RAB18: variants seen among roughly 807,000 people sequenced by gnomAD.
RAB18 encodes the protein RAB18, member RAS oncogene family.
In RAB18, 10 loss-of-function variants were observed where a neutral mutation model predicts 28.5. That is an observed-to-expected ratio of 0.35 (90% confidence interval 0.22 to 0.60). The LOEUF is 0.60. Ranked by LOEUF, RAB18 falls within the 20% of genes least tolerant of loss-of-function variation. The pLI, the probability that RAB18 is intolerant of heterozygous loss-of-function variation, is 0.78. For synonymous variants in RAB18, 93 were observed against 86.9 expected, an observed-to-expected ratio of 1.07 and a Z score of -0.39; for missense variants, 188 against 244.2, an observed-to-expected ratio of 0.77 and a Z score of 1.53.
In RAB18 at chr10:27,541,628, T is replaced by C. The variant is rs994535199; in HGVS notation, c.*3577T>C. The C allele has an allele frequency of 6.8e-6, 3 of 444,394 alleles. No individual in the cohort carries two copies. In the Admixed American group the frequency reaches 7.3e-5, roughly 11 times the overall value. 27.5% of individuals were successfully genotyped at this position (444,394 alleles called of 1,614,324 possible). A position where few individuals can be genotyped will look rare whatever the true frequency, so the allele number is the denominator to read the frequency against. On this transcript the variant is annotated 3_prime_UTR_variant, in exon 7 of 7. Transcript: ENST00000356940. ...CCTTTACCGTTTCTCATGCAGGTTA[T>C]TTCTTGCTTTTTTTTTTTTTCCTCT...
chr10:27,508,247 C>T (rs1157291878), intron 1 of RAB18, among the ~76,000 whole-genome samples: 1 of 152,200 alleles, frequency 6.6e-6, no homozygotes, highest in African/African-American at 2.4e-5. Context: ...TGTTGCTTCA[C>T]ACCATGCCAC....
intron 1 of RAB18, among the ~76,000 whole-genome samples, chr10:27,508,333 C>T (rs1281627083): frequency 1.3e-5 from 2 of 152,200 alleles, no homozygotes; most frequent in East Asian, 3.8e-4. Flanking sequence ...GAGAGAAAAA[C>T]CTCTGGCTTT....
intron 3 of RAB18, among the ~76,000 whole-genome samples, chr10:27,531,838 T>C (rs959239234): frequency 1.5e-4 from 23 of 152,066 alleles, no homozygotes; most frequent in Admixed American, 2.6e-4. Context: ...TTTTCAAGAA[T>C]TGGTCTCAGC....
chr10:27,538,244 T>G lies in RAB18; in HGVS notation c.*193T>G. 2.7e-6 allele frequency: 2 copies of G among 751,242 alleles called. No homozygotes were observed. The highest frequency in any genetic ancestry group is 2.3e-6 in the Non-Finnish European group (1 of 436,090). The allele number at this position is 751,242 out of a possible 1,614,324, so 46.5% of individuals were successfully genotyped here. ...TATGGTAAGCATGCACAGTTTGCAG[T>G]CTACAGTTTTTTTATGTAGCACAAA... On this transcript the variant is annotated 3_prime_UTR_variant, in exon 7 of 7. Transcript: ENST00000356940.
chr10:27,516,018 G>A (rs1414493668), intron 2 of RAB18, among the ~76,000 whole-genome samples: 2 of 152,046 alleles, frequency 1.3e-5, no homozygotes, highest in Non-Finnish European at 2.9e-5. Flanking sequence ...CCTAAGGAAT[G>A]TATCTATTTT....
At chr10:27,527,355 C>G (rs957875221) in intron 3 of RAB18, among the ~76,000 whole-genome samples, 1 of 151,908 alleles carries the variant, frequency 6.6e-6, no homozygotes, top group Non-Finnish European at 1.5e-5. Flanking sequence ...CTCGTTTTTC[C>G]TTACTGGCTT....
At position 27,533,216 on chromosome 10, in the gene RAB18, T is replaced by C. The variant is rs112781999; in HGVS notation, c.260-519T>C. Among the ~76,000 whole-genome samples the C allele has an allele frequency of 9.9e-4, 151 of 152,232 alleles. 2 individuals carry two copies. Among genetic ancestry groups the C allele is most frequent in the African/African-American group, 3.5e-3 (144 of 41,584 alleles). ...AAACACTTTAATAAGGTTTTTGTTA[T>C]AATGCAGAATGACATAAGATGAAAG... On this transcript the variant is annotated intron_variant, in intron 4 of 6. Coordinates refer to ENST00000356940, the MANE Select transcript of RAB18 (RefSeq NM_021252.5).
At chr10:27,526,970 G>C in intron 3 of RAB18, 81 bp downstream of exon 3, 1 of 1,407,016 alleles carries the variant, frequency 7.1e-7, no homozygotes. Context: ...TAGTGTTCTA[G>C]AGGTGGTGAA....
At chr10:27,536,553 C>CA (rs1338416490) in intron 6 of RAB18, among the ~76,000 whole-genome samples, 1 of 152,012 alleles carries the variant, frequency 6.6e-6, no homozygotes, top group Non-Finnish European at 1.5e-5. Flanking sequence ...CAAAACAAAA[C>CA]AAAGAAAATG....
In RAB18 at chr10:27,541,939, G is replaced by T. The variant is rs755489099; in HGVS notation, c.*3888G>T. 2.2e-6 allele frequency: 1 copy of T among 453,612 alleles called. No homozygotes were observed. Among genetic ancestry groups the T allele is most frequent in the Non-Finnish European group, 4.4e-6 (1 of 226,744 alleles). 28.1% of individuals were successfully genotyped at this position (453,612 alleles called of 1,614,324 possible). On this transcript the variant is annotated 3_prime_UTR_variant, in exon 7 of 7. Coordinates refer to ENST00000356940, the MANE Select transcript of RAB18 (RefSeq NM_021252.5). ...TTAGCAGTGCCCCACTTCCCCAGTA[G>T]CAATGGTTCAGGGGTAGGCACCTGA...
chr10:27,530,383 A>C (rs1834762527), intron 3 of RAB18, among the ~76,000 whole-genome samples: 1 of 151,680 alleles, frequency 6.6e-6, no homozygotes. Flanking sequence ...CACTGTTCCA[A>C]ATCCAAGGCT....
chr10:27,526,795 T>C, intron 2 of RAB18, 33 bp from the exon 3 acceptor site: 1 of 1,612,028 alleles, frequency 6.2e-7, no homozygotes, highest in Non-Finnish European at 8.5e-7. Context: ...TCTGTTTTAC[T>C]GGGAGACTTA....
chr10:27,505,041 G>T (rs1432306219), intron 1 of RAB18: 1 of 533,542 alleles, frequency 1.9e-6, no homozygotes, highest in Non-Finnish European at 3.8e-6. Flanking sequence ...TAAGGTCCGA[G>T]TGCTTCAGCC....
intron 3 of RAB18, among the ~76,000 whole-genome samples, chr10:27,529,548 G>C (rs1422658901): frequency 6.6e-6 from 1 of 151,742 alleles, no homozygotes; most frequent in Admixed American, 6.6e-5. Flanking sequence ...CTATGTCCTT[G>C]CTTCACTTTC....
intron 6 of RAB18, 83 bp downstream of exon 6, chr10:27,534,077 GA>G: frequency 7.6e-7 from 1 of 1,313,046 alleles, no homozygotes; most frequent in South Asian, 1.2e-5. Context: ...ATTTCTTTAT[GA>G]ACCATAAAAT....
At position 27,538,737 on chromosome 10, in the gene RAB18, G is replaced by A. The variant is rs1391441858; in HGVS notation, c.*686G>A. 1.8e-5 allele frequency: 8 copies of A among 454,086 alleles called. No homozygotes were observed. The East Asian group carries it at 5.6e-4, about 32-fold the overall frequency. 28.1% of individuals were successfully genotyped at this position (454,086 alleles called of 1,614,324 possible). On this transcript the variant is annotated 3_prime_UTR_variant, in exon 7 of 7. Coordinates refer to ENST00000356940, the MANE Select transcript of RAB18 (RefSeq NM_021252.5). The stretch of plus-strand genomic sequence containing the variant: ...TGATATGTACATTGGATTCATGACT[G>A]TGCAGCATTTTTAGTTATGTGGTGT...
chr10:27,541,648 T>TC lies in RAB18; in HGVS notation c.*3599dup, dbSNP rs779470678. 31 of 447,362 alleles carry TC rather than the reference T, an allele frequency of 6.9e-5. No homozygotes were observed. The East Asian group carries it at 2.0e-3, about 29-fold the overall frequency. 27.7% of individuals were successfully genotyped at this position (447,362 alleles called of 1,614,324 possible). On this transcript the variant is annotated 3_prime_UTR_variant, in exon 7 of 7. Coordinates refer to ENST00000356940, the MANE Select transcript of RAB18 (RefSeq NM_021252.5). ...GGTTATTTCTTGCTTTTTTTTTTTTTCCTCTTTTTTAACCGGAGAAGCAAC... is the reference window on the plus strand; with the variant it reads ...GGTTATTTCTTGCTTTTTTTTTTTTTCCCTCTTTTTTAACCGGAGAAGCAAC...
At chr10:27,528,403 A>T (rs754749308) in intron 3 of RAB18, 1 of 449,136 alleles carries the variant, frequency 2.2e-6, no homozygotes, top group Non-Finnish European at 4.4e-6. Flanking sequence ...AAGAACATCT[A>T]TAAAAGTATA....
At position 27,538,612 on chromosome 10, in the gene RAB18, G is replaced by A. The variant is rs2763306; in HGVS notation, c.*561G>A. On this transcript the variant is annotated 3_prime_UTR_variant, in exon 7 of 7. Transcript: ENST00000356940. The stretch of plus-strand genomic sequence containing the variant: ...TTTATAACTAAATCTCTATTTGTTC[G>A]GATGATGCTTCTAAAACAGCATTGA... 5,229 of 454,254 alleles carry A rather than the reference G, an allele frequency of 0.012. 217 individuals carry two copies. The highest frequency in any genetic ancestry group is 0.096 in the African/African-American group (4,788 of 50,034). The allele number at this position is 454,254 out of a possible 1,614,324, so 28.1% of individuals were successfully genotyped here.
Sources: allele counts gnomAD v4.1 joint callset (sites outside exome capture counted in the v4.1 genomes callset), GRCh38; gene constraint gnomAD v4.1.1; transcripts MANE v1.5; gene names NCBI Gene and HGNC (gene_info 2026-07-23, HGNC 2026-07-21).